The following ZBTB20 variants were observed in gnomAD, a reference collection of about 807,000 sequenced individuals.
ZBTB20 encodes zinc finger and BTB domain-containing protein 20.
In ZBTB20, 9 loss-of-function variants were observed where a neutral mutation model predicts 56.9. The observed-to-expected ratio is 0.16, with a 90% CI of 0.10 to 0.28. The LOEUF is 0.28. ZBTB20 is among the 10% of genes least tolerant of loss of function. The pLI, the probability that ZBTB20 is intolerant of heterozygous loss-of-function variation, is 1.00. For missense variants in ZBTB20, 655 were observed against 1,003.0 expected (o/e 0.65, Z 4.69); for synonymous variants, 417 against 420.7 (o/e 0.99, Z 0.11).
intron 2 of ZBTB20, among the ~76,000 whole-genome samples, chr3:114,985,887 T>C (rs1407889658): frequency 6.6e-6 from 1 of 152,154 alleles, no homozygotes; most frequent in Non-Finnish European, 1.5e-5. Flanking sequence ...ATAAAGTTTC[T>C]GTTTCAACTA....
At chr3:115,132,580 TGTTA>T (rs1284784834) in intron 1 of ZBTB20, among the ~76,000 whole-genome samples, 2 of 152,198 alleles carry the variant, frequency 1.3e-5, no homozygotes, top group Non-Finnish European at 2.9e-5. Context: ...TAGTTTCTGT[TGTTA>T]ATTAAAATGT....
At chr3:114,726,842 G>T (rs890021862) in intron 5 of ZBTB20, among the ~76,000 whole-genome samples, 1 of 137,866 alleles carries the variant, frequency 7.3e-6, no homozygotes, top group South Asian at 2.4e-4. Context: ...AACCTGGGAG[G>T]CAGAGGTTAT....
intron 5 of ZBTB20, among the ~76,000 whole-genome samples, chr3:114,724,282 G>A (rs1175716616): frequency 6.6e-6 from 1 of 152,158 alleles, no homozygotes; most frequent in Non-Finnish European, 1.5e-5. Flanking sequence ...AACATTGAAG[G>A]TGATGGTTTA....
intron 7 of ZBTB20, among the ~76,000 whole-genome samples, chr3:114,413,882 T>C (rs1043029845): frequency 5.9e-5 from 9 of 152,188 alleles, no homozygotes; most frequent in Admixed American, 5.2e-4. Flanking sequence ...TATCTACTTC[T>C]GAAGCTCTGC....
At chr3:115,065,693 A>C (rs1007492909) in intron 2 of ZBTB20, among the ~76,000 whole-genome samples, 1 of 152,186 alleles carries the variant, frequency 6.6e-6, no homozygotes, top group African/African-American at 2.4e-5. Flanking sequence ...CTCTTACTAT[A>C]AAAAGGTTAT....
Position 114,739,930 on chromosome 3 carries a change from A to T in ZBTB20, c.-342-46355T>A, listed in dbSNP as rs141781501. On this transcript the variant is annotated intron_variant, in intron 5 of 11. Coordinates refer to ENST00000675478, the MANE Select transcript of ZBTB20 (RefSeq NM_001348800.3). ...ATATTTTACCTATGCTTATGTACAC[A>T]TGGTGTTTATCTTTCAAAGCTGGAC... 7.2e-5 allele frequency among the ~76,000 whole-genome samples: 11 copies of T among 152,258 alleles called. No homozygotes were observed. The East Asian group carries it at 2.1e-3, about 29-fold the overall frequency.
intron 6 of ZBTB20, among the ~76,000 whole-genome samples, chr3:114,675,050 C>T (rs2061552324): frequency 1.4e-5 from 2 of 147,788 alleles, no homozygotes; most frequent in South Asian, 4.2e-4. Context: ...ATCTATCTTT[C>T]ATATATATAT....
At chr3:114,626,291 A>G (rs1211294808) in intron 6 of ZBTB20, among the ~76,000 whole-genome samples, 1 of 152,210 alleles carries the variant, frequency 6.6e-6, no homozygotes, top group Non-Finnish European at 1.5e-5. Flanking sequence ...TGGGCAAATG[A>G]GCTTTCTAGC....
chr3:114,876,007 G>A (rs2076176883), intron 4 of ZBTB20, among the ~76,000 whole-genome samples: 1 of 152,062 alleles, frequency 6.6e-6, no homozygotes, highest in Admixed American at 6.6e-5. Flanking sequence ...GCCAAGGCAG[G>A]AAGATCACTT....
intron 7 of ZBTB20, among the ~76,000 whole-genome samples, chr3:114,411,274 C>T (rs1559754091): frequency 6.6e-6 from 1 of 152,178 alleles, no homozygotes; most frequent in Non-Finnish European, 1.5e-5. Context: ...TGGATTCTTA[C>T]AAGCCATTCC....
At chr3:114,957,447 G>A (rs1266707859) in intron 3 of ZBTB20, among the ~76,000 whole-genome samples, 3 of 152,154 alleles carry the variant, frequency 2.0e-5, no homozygotes, top group Non-Finnish European at 4.4e-5. Context: ...ATGACTGCAT[G>A]TAGACTGTGT....
intron 7 of ZBTB20, among the ~76,000 whole-genome samples, chr3:114,407,397 A>G (rs950925468): frequency 2.6e-5 from 4 of 152,160 alleles, no homozygotes; most frequent in African/African-American, 7.2e-5. Context: ...TTTTATTGCA[A>G]GGCTTCTTAT....
intron 6 of ZBTB20, among the ~76,000 whole-genome samples, chr3:114,613,986 C>T (rs2057741974): frequency 6.6e-6 from 1 of 151,986 alleles, no homozygotes; most frequent in Non-Finnish European, 1.5e-5. Context: ...TTTATGGTCC[C>T]CCACCTCCTT....
chr3:114,970,369 G>A (rs1278333979), intron 3 of ZBTB20, among the ~76,000 whole-genome samples: 1 of 152,148 alleles, frequency 6.6e-6, no homozygotes, highest in Non-Finnish European at 1.5e-5. Context: ...TATCACTAAA[G>A]GATACAGAAA....
At chr3:114,743,818 T>G (rs2066816802) in intron 5 of ZBTB20, 1 of 152,192 alleles carries the variant, frequency 6.6e-6, no homozygotes, top group Non-Finnish European at 1.5e-5. Context: ...ATTGTTATTT[T>G]TTTTACTATC....
chr3:115,116,704 G>A (rs939040168), intron 1 of ZBTB20, among the ~76,000 whole-genome samples: 1 of 151,936 alleles, frequency 6.6e-6, no homozygotes, highest in African/African-American at 2.4e-5. Context: ...AGGAAAGAGA[G>A]AAAGAGAAAG....
intron 2 of ZBTB20, among the ~76,000 whole-genome samples, chr3:115,048,793 A>G (rs1301981018): frequency 6.6e-6 from 1 of 152,174 alleles, no homozygotes; most frequent in South Asian, 2.1e-4. Context: ...ATTTAAATTG[A>G]GCATTTATTT....
chr3:114,430,141 T>C (rs914334940), intron 7 of ZBTB20, among the ~76,000 whole-genome samples: 1 of 152,202 alleles, frequency 6.6e-6, no homozygotes, highest in Non-Finnish European at 1.5e-5. Flanking sequence ...GAAAAATCAC[T>C]AGTAGTAAAG....
intron 1 of ZBTB20, among the ~76,000 whole-genome samples, chr3:115,120,215 G>C (rs922477075): frequency 5.9e-5 from 9 of 152,058 alleles, no homozygotes; most frequent in African/African-American, 1.4e-4. Context: ...TTCATCAATT[G>C]TAACAAATGT....
Sources: gnomAD v4.1 joint callset for allele counts (sites outside exome capture counted in the v4.1 genomes callset) on GRCh38, gnomAD v4.1.1 for gene constraint, MANE v1.5 for transcripts, NCBI Gene and HGNC (gene_info 2026-07-23, HGNC 2026-07-21) for gene names.